TRRAP: variants seen among roughly 807,000 people sequenced by gnomAD.
TRRAP encodes the protein transformation/transcription domain-associated protein.
Under a neutral mutation model 438.8 loss-of-function variants are expected in TRRAP, and 41 were observed. That is an observed-to-expected ratio of 0.09 (90% CI 0.07 to 0.12). The LOEUF (loss-of-function observed/expected upper bound fraction) is 0.12. Ranked by LOEUF, TRRAP falls within the 10% of genes least tolerant of loss-of-function variation. TRRAP has a pLI of 1.00. For synonymous variants in TRRAP, 1,994 were observed against 1,962.9 expected, an observed-to-expected ratio of 1.02 and a Z score of -0.42; for missense variants, 3,122 against 5,055.1, an observed-to-expected ratio of 0.62 and a Z score of 11.60.
chr7:98,984,946 C>A lies in TRRAP; in HGVS notation c.9291C>A (p.Gly3097=), dbSNP rs35614868. ...GVMGKNECMQ[G]LEVIESTNLK... is the part of the protein sequence containing the mutation. ...TTCTGCTCATTTTTTTTGAACAGGG[C>A]CTTGAAGTTATTGAATCTACAAATT... The change falls in exon 62 of 73, where the codon GGC becomes GGA. Residue 3097 remains glycine (G), a splice_region_variant and synonymous_variant. Coordinates refer to ENST00000456197, the MANE Select transcript of TRRAP (RefSeq NM_001375524.1). 2,383 of 1,605,974 alleles carry A rather than the reference C, an allele frequency of 1.5e-3. 19 individuals are homozygous for A. The African/African-American group carries it at 0.026, about 17-fold the overall frequency.
At chr7:98,964,877 A>T (rs1352326161) in intron 48 of TRRAP, 102 bp downstream of exon 48, 1 of 1,372,914 alleles carries the variant, frequency 7.3e-7, no homozygotes, top group Non-Finnish European at 9.7e-7. Context: ...ATGTGCATTC[A>T]CCAAGTCCTG....
At chr7:98,990,048 C>T (rs1049036781) in intron 63 of TRRAP, among the ~76,000 whole-genome samples, 7 of 152,070 alleles carry the variant, frequency 4.6e-5, no homozygotes, top group Admixed American at 1.3e-4. Context: ...GCCGACATGG[C>T]AAAACCCCAT....
chr7:98,950,926 G>A lies in TRRAP; in HGVS notation c.5385G>A (p.Gly1795=), dbSNP rs782245498. 5 of 1,607,714 alleles carry A rather than the reference G, an allele frequency of 3.1e-6. No homozygotes were observed. The highest frequency in any genetic ancestry group is 3.4e-6 in the Non-Finnish European group (4 of 1,177,742). The part of the protein sequence containing the change: ...NPAFLYSFEK[G]EGEQLLGPPN... ...CTTTCTTGTACAGCTTTGAGAAGGG[G>A]GAAGGAGAGCAGCTCTTGGGACCTC... Residue 1795 remains glycine, a synonymous_variant, in exon 39 of 73, where the codon GGG becomes GGA. Coordinates refer to ENST00000456197, the MANE Select transcript of TRRAP (RefSeq NM_001375524.1).
rs1792185904 is a variant in TRRAP at position 98,966,956 on chromosome 7, C to T, written c.7177-85C>T. The T allele has an allele frequency of 2.1e-6, 3 of 1,426,490 alleles. No homozygotes were observed. In the South Asian group the frequency reaches 4.1e-5, roughly 20 times the overall value. The allele number at this position is 1,426,490 out of a possible 1,614,324, so 88.4% of individuals were successfully genotyped here. ...TTAGGAATGACCTTGTCTTATTGTG[C>T]TTGATAAAATTGTAGGAGCTTAAAA... On this transcript the variant is annotated intron_variant, in intron 49 of 72. Transcript: ENST00000456197.
intron 67 of TRRAP, chr7:98,999,688 G>T (rs947818168): frequency 3.3e-6 from 3 of 903,430 alleles, no homozygotes; most frequent in African/African-American, 3.3e-5. Flanking sequence ...TGGATAATCT[G>T]GTGGCAGTTC....
At chr7:98,949,909 TC>T in intron 37 of TRRAP, 68 bp downstream of exon 37, 1 of 1,579,548 alleles carries the variant, frequency 6.3e-7, no homozygotes, top group African/African-American at 1.3e-5. Flanking sequence ...AGAGCCTCCT[TC>T]TACTCTGTAC....
At chr7:98,888,917 AT>A (rs1381723217) in intron 3 of TRRAP, among the ~76,000 whole-genome samples, 2 of 151,648 alleles carry the variant, frequency 1.3e-5, no homozygotes, top group South Asian at 4.2e-4. Context: ...TCTGTTCATT[AT>A]TTTATCCCTT....
intron 6 of TRRAP, 25 bp downstream of exon 6, chr7:98,893,906 C>A (rs368683633): frequency 6.2e-7 from 1 of 1,606,752 alleles, no homozygotes; most frequent in African/African-American, 1.3e-5. Flanking sequence ...ATCCTTATAG[C>A]ATTTATAAAG....
chr7:98,897,543 G>A (rs574734952), intron 7 of TRRAP, among the ~76,000 whole-genome samples, 198 bp from the exon 8 acceptor site: 61 of 152,258 alleles, frequency 4.0e-4, no homozygotes, highest in Non-Finnish European at 8.8e-5. Flanking sequence ...GTGTGTGTTG[G>A]TTTAGGCTTT....
At chr7:98,950,007 G>A (rs958976990) in intron 37 of TRRAP, 57 bp from the exon 38 acceptor site, 32 of 1,606,636 alleles carry the variant, frequency 2.0e-5, no homozygotes, top group Non-Finnish European at 2.4e-5. Flanking sequence ...AGTCAGAGGC[G>A]TAGTTGTTAA....
At chr7:98,969,848 G>A (rs185164048) in intron 51 of TRRAP, among the ~76,000 whole-genome samples, 12 of 152,284 alleles carry the variant, frequency 7.9e-5, no homozygotes, top group African/African-American at 2.6e-4. Context: ...AGCAGGAACC[G>A]CCTAGGTGTT....
chr7:98,933,501 G>T lies in TRRAP; in HGVS notation c.4014+99G>T, dbSNP rs1239956172. The T allele has an allele frequency of 2.7e-6, 4 of 1,474,034 alleles. No homozygotes were observed. In the Admixed American group the frequency reaches 6.0e-5, roughly 22 times the overall value. The allele number at this position is 1,474,034 out of a possible 1,614,324, so 91.3% of individuals were successfully genotyped here. ...ACTGGTCAGGCAGCATTCAGAGAAG[G>T]CTCGGGCGGGGACCTGCAGGTAACC... is the stretch of plus-strand genomic sequence containing the variant. On this transcript the variant is annotated intron_variant, in intron 27 of 72. Coordinates refer to ENST00000456197, the MANE Select transcript of TRRAP (RefSeq NM_001375524.1).
At position 98,933,348 on chromosome 7, in the gene TRRAP, C is replaced by T; in HGVS notation, c.3960C>T (p.Pro1320=). 6.2e-7 allele frequency: 1 copy of T among 1,614,126 alleles called. No individual in the cohort carries two copies. Among genetic ancestry groups the T allele is most frequent in the Non-Finnish European group, 8.5e-7 (1 of 1,180,034 alleles). Residue 1320 remains proline (P), a synonymous_variant, in exon 27 of 73, where the codon CCC becomes CCT. Coordinates refer to ENST00000456197, the MANE Select transcript of TRRAP (RefSeq NM_001375524.1). The part of the protein sequence containing the change: ...EGNTFCTTLQ[P]RLFTMDLNVV... ...ACACGTTCTGTACCACGTTGCAGCC[C>T]AGGCTCTTCACAATGGACCTTAACG...
In TRRAP at chr7:98,964,690, C is replaced by T; in HGVS notation, c.6891C>T (p.Ile2297=). 6.2e-7 allele frequency: 1 copy of T among 1,614,130 alleles called. No homozygotes were observed. The highest frequency in any genetic ancestry group is 8.5e-7 in the Non-Finnish European group (1 of 1,180,014). Residue 2297 remains isoleucine (I), a synonymous_variant, in exon 48 of 73, where the codon ATC becomes ATT. Transcript: ENST00000456197. ...SNNPSYIDRL[I]SVFMRSLQKM... ...ACCCCAGCTACATAGACAGGCTGAT[C>T]TCCGTCTTTATGCGCTCCCTGCAGA... is the stretch of plus-strand genomic sequence containing the variant.
chr7:98,953,211 G>C lies in TRRAP; in HGVS notation c.5508G>C (p.Arg1836=), dbSNP rs781917220. The C allele has an allele frequency of 5.6e-6, 9 of 1,613,248 alleles. No homozygotes were observed. In the South Asian group the frequency reaches 8.8e-5, roughly 16 times the overall value. The change falls in exon 40 of 73, where the codon CGG becomes CGC. Residue 1836 remains arginine (R), a synonymous_variant. Transcript: ENST00000456197. ...EKQADMLDSL[R]IYLLQYATLL... ...AGGCGGACATGCTGGACTCGCTGCG[G>C]ATCTACCTGCTGCAGTACGCCACGC...
Position 98,959,956 on chromosome 7 carries a change from AAAAAG to A in TRRAP, c.6489+480_6489+484del, listed in dbSNP as rs1458533985. 3.3e-5 allele frequency among the ~76,000 whole-genome samples: 4 copies of A among 120,530 alleles called. No individual in the cohort carries two copies. In the South Asian group the frequency reaches 7.2e-4, roughly 22 times the overall value. 79.1% of individuals were successfully genotyped at this position (120,530 alleles called of 152,430 possible). Reference sequence around the variant, plus strand: ...TCTCTTAAAAAAAAAAAAAAAAAAGAAAAAGAAAAGAAAAGAAAGAATGGCTTTGG... The same window carrying A: ...TCTCTTAAAAAAAAAAAAAAAAAAGAAAAAGAAAAGAAAGAATGGCTTTGG... On this transcript the variant is annotated intron_variant, in intron 45 of 72. Coordinates refer to ENST00000456197, the MANE Select transcript of TRRAP (RefSeq NM_001375524.1).
intron 27 of TRRAP, among the ~76,000 whole-genome samples, chr7:98,935,017 C>T (rs781928112): frequency 4.6e-5 from 7 of 151,894 alleles, no homozygotes; most frequent in South Asian, 2.1e-4. Context: ...TGATAGAGCA[C>T]GATATCTGTT....
intron 29 of TRRAP, 64 bp from the exon 30 acceptor site, chr7:98,937,586 T>C (rs1790614820): frequency 1.3e-6 from 2 of 1,481,686 alleles, no homozygotes; most frequent in Non-Finnish European, 1.8e-6. Flanking sequence ...TGAAGATGAG[T>C]TCTGTTCTAT....
At chr7:98,880,019 G>T (rs189016651) in intron 1 of TRRAP, among the ~76,000 whole-genome samples, 1 of 152,310 alleles carries the variant, frequency 6.6e-6, no homozygotes, top group East Asian at 1.9e-4. Flanking sequence ...TGTTAAAATA[G>T]AAACCAAGTC....
Sources: gnomAD v4.1 joint callset for allele counts (sites outside exome capture counted in the v4.1 genomes callset) on GRCh38, gnomAD v4.1.1 for gene constraint, MANE v1.5 for transcripts, NCBI Gene and HGNC (gene_info 2026-07-23, HGNC 2026-07-21) for gene names.